GRM8: variants seen among roughly 807,000 people sequenced by gnomAD.
GRM8 encodes glutamate metabotropic receptor 8, also known as metabotropic glutamate receptor 8.
A neutral mutation model predicts 87.2 loss-of-function variants in GRM8; 47 were observed. The ratio of observed to expected loss-of-function variants is 0.54; its 90% CI spans 0.43 to 0.69. GRM8 has a LOEUF of 0.69. Ranked by LOEUF, GRM8 falls within the 30% of genes least tolerant of loss-of-function variation. The probability of loss-of-function intolerance (pLI) is 0.00; values close to 1 mark genes in which losing one functional copy is unlikely to be tolerated. For missense variants in GRM8, 1,019 were observed against 1,139.2 expected (o/e 0.89, Z 1.52); for synonymous variants, 396 against 404.5 (o/e 0.98, Z 0.25).
At chr7:127,029,015 C>T (rs918165074) in intron 3 of GRM8, among the ~76,000 whole-genome samples, 2 of 152,100 alleles carry the variant, frequency 1.3e-5, no homozygotes, top group Non-Finnish European at 2.9e-5. Flanking sequence ...AAATGTGTCC[C>T]AGAGATTCTG....
At chr7:126,637,623 T>C (rs1801993050) in intron 7 of GRM8, among the ~76,000 whole-genome samples, 2 of 152,182 alleles carry the variant, frequency 1.3e-5, no homozygotes, top group South Asian at 4.1e-4. Context: ...GTGTAGAACA[T>C]TAATGTCTCC....
intron 9 of GRM8, among the ~76,000 whole-genome samples, chr7:126,493,718 T>C (rs561904037): frequency 6.6e-6 from 1 of 152,170 alleles, no homozygotes; most frequent in African/African-American, 2.4e-5. Flanking sequence ...GGGTGCTTTT[T>C]CATTTTCTAA....
intron 3 of GRM8, among the ~76,000 whole-genome samples, chr7:126,929,027 G>A (rs1464726483): frequency 6.6e-6 from 1 of 152,100 alleles, no homozygotes; most frequent in African/African-American, 2.4e-5. Flanking sequence ...AATGGGCTCT[G>A]GCAGCTGCTT....
chr7:126,776,510 T>C (rs908079695), intron 6 of GRM8, among the ~76,000 whole-genome samples: 2 of 152,218 alleles, frequency 1.3e-5, no homozygotes, highest in African/African-American at 2.4e-5. Context: ...CTATTTATTA[T>C]ATCCTCTAAC....
At chr7:126,574,674 C>T (rs926816299) in intron 8 of GRM8, among the ~76,000 whole-genome samples, 6 of 152,160 alleles carry the variant, frequency 3.9e-5, no homozygotes, top group Non-Finnish European at 7.4e-5. Context: ...GCTTTGTGAT[C>T]TGAAATCCCC....
chr7:126,947,899 A>G (rs971679658), intron 3 of GRM8, among the ~76,000 whole-genome samples: 8 of 152,186 alleles, frequency 5.3e-5, no homozygotes, highest in African/African-American at 1.9e-4. Flanking sequence ...CGTTAGAGGA[A>G]ATGGTCAAGA....
chr7:126,803,247 G>A (rs1822929596), intron 6 of GRM8, among the ~76,000 whole-genome samples: 1 of 152,142 alleles, frequency 6.6e-6, no homozygotes, highest in South Asian at 2.1e-4. Flanking sequence ...GAAGTTCAGA[G>A]AAGCTACCAG....
At chr7:126,996,067 G>A (rs1322936457) in intron 3 of GRM8, among the ~76,000 whole-genome samples, 1 of 151,958 alleles carries the variant, frequency 6.6e-6, no homozygotes, top group African/African-American at 2.4e-5. Flanking sequence ...AGTACAGAAG[G>A]ATAAAAACGT....
At chr7:127,002,191 G>A (rs553748899) in intron 3 of GRM8, among the ~76,000 whole-genome samples, 1 of 151,730 alleles carries the variant, frequency 6.6e-6, no homozygotes, top group East Asian at 1.9e-4. Flanking sequence ...TGTAAATCAT[G>A]CCTCAGTAAA....
At chr7:126,817,068 A>T (rs1409735872) in intron 6 of GRM8, among the ~76,000 whole-genome samples, 1 of 152,148 alleles carries the variant, frequency 6.6e-6, no homozygotes. Context: ...TATGAATCTA[A>T]TATGATGAAA....
At chr7:126,637,888 G>T (rs1184289912) in intron 7 of GRM8, among the ~76,000 whole-genome samples, 1 of 151,950 alleles carries the variant, frequency 6.6e-6, no homozygotes, top group Non-Finnish European at 1.5e-5. Context: ...TTATTCCCCT[G>T]AAGGTAGATG....
chr7:127,154,901 T>C (rs1040985735), intron 2 of GRM8, among the ~76,000 whole-genome samples: 4 of 152,158 alleles, frequency 2.6e-5, no homozygotes, highest in African/African-American at 4.8e-5. Context: ...GATTTAAAGA[T>C]GTATAAAATA....
intron 2 of GRM8, among the ~76,000 whole-genome samples, chr7:127,165,828 A>G (rs1051535428): frequency 5.3e-5 from 8 of 152,126 alleles, no homozygotes; most frequent in Non-Finnish European, 8.8e-5. Context: ...TGCCATATAT[A>G]GCCAAAGTGA....
At position 126,725,779 on chromosome 7, in the gene GRM8, A is replaced by G. The variant is rs556808434; in HGVS notation, c.1357+44086T>C. On this transcript the variant is annotated intron_variant, in intron 7 of 10. Transcript: ENST00000339582. ...CTAGAGAGACCTCAGGAAGCTTACA[A>G]TTATGGCAGAAGGCAAAGCGGGAAC... 5.1e-4 allele frequency among the ~76,000 whole-genome samples: 77 copies of G among 152,320 alleles called. 1 individual carries two copies. The highest frequency in any genetic ancestry group is 8.3e-4 in the South Asian group (4 of 4,830).
At chr7:126,641,571 T>C (rs1464536970) in intron 7 of GRM8, among the ~76,000 whole-genome samples, 1 of 152,234 alleles carries the variant, frequency 6.6e-6, no homozygotes, top group Non-Finnish European at 1.5e-5. Context: ...CTATTCACTG[T>C]TTTGTTCCAG....
intron 9 of GRM8, among the ~76,000 whole-genome samples, chr7:126,505,183 C>G (rs1323999618): frequency 1.3e-5 from 2 of 152,004 alleles, no homozygotes; most frequent in East Asian, 3.9e-4. Context: ...CATATAAAAA[C>G]CACAACAGTT....
intron 6 of GRM8, among the ~76,000 whole-genome samples, chr7:126,849,845 T>C (rs992443193): frequency 9.2e-5 from 14 of 152,010 alleles, no homozygotes; most frequent in African/African-American, 3.1e-4. Flanking sequence ...ACTTGTACAA[T>C]AGGTCCCAGC....
intron 2 of GRM8, among the ~76,000 whole-genome samples, chr7:127,198,930 T>C (rs867592205): frequency 6.7e-6 from 1 of 150,290 alleles, no homozygotes; most frequent in South Asian, 2.1e-4. Context: ...AACCTTCGCC[T>C]CCCAAGTTCA....
intron 3 of GRM8, among the ~76,000 whole-genome samples, chr7:126,913,547 A>T (rs1328751631): frequency 2.6e-5 from 4 of 152,212 alleles, no homozygotes; most frequent in African/African-American, 9.6e-5. Flanking sequence ...GATAATAGCA[A>T]TGAGCAAAAC....
Sources: allele counts gnomAD v4.1 joint callset (sites outside exome capture counted in the v4.1 genomes callset), GRCh38; gene constraint gnomAD v4.1.1; transcripts MANE v1.5; gene names NCBI Gene and HGNC (gene_info 2026-07-23, HGNC 2026-07-21).